The following FBXL7 variants were observed in gnomAD, a reference collection of about 807,000 sequenced individuals.
FBXL7 encodes the protein F-box and leucine rich repeat protein 7, also known as F-box/LRR-repeat protein 7.
FBXL7 carries 12 observed loss-of-function variants against 38.3 expected under a neutral mutation model. The ratio of observed to expected loss-of-function variants is 0.31; its 90% confidence interval spans 0.20 to 0.51. FBXL7 has a LOEUF of 0.51. FBXL7 is among the 20% of genes least tolerant of loss of function. FBXL7 has a pLI of 0.98. For synonymous variants in FBXL7, 297 were observed against 300.9 expected, an observed-to-expected ratio of 0.99 and a Z score of 0.13; for missense variants, 567 against 676.4, an observed-to-expected ratio of 0.84 and a Z score of 1.79.
At chr5:15,546,224 G>A (rs1737887372) in intron 1 of FBXL7, among the ~76,000 whole-genome samples, 2 of 151,832 alleles carry the variant, frequency 1.3e-5, no homozygotes, top group African/African-American at 4.8e-5. Context: ...GAGGTCAGGA[G>A]TTTGAGACCA....
At chr5:15,605,333 A>G (rs1310528969) in intron 1 of FBXL7, among the ~76,000 whole-genome samples, 3 of 152,192 alleles carry the variant, frequency 2.0e-5, no homozygotes, top group Non-Finnish European at 2.9e-5. Context: ...AAGCACCCCA[A>G]GTGTTCATCA....
intron 2 of FBXL7, among the ~76,000 whole-genome samples, chr5:15,679,945 A>G (rs559299480): frequency 6.6e-6 from 1 of 152,312 alleles, no homozygotes; most frequent in South Asian, 2.1e-4. Flanking sequence ...GTTTATTTCC[A>G]TTTCATAAAC....
chr5:15,514,477 G>A (rs1344402651), intron 1 of FBXL7, among the ~76,000 whole-genome samples: 1 of 152,176 alleles, frequency 6.6e-6, no homozygotes, highest in Non-Finnish European at 1.5e-5. Context: ...AATTATGGAT[G>A]TTATAATGGT....
At chr5:15,696,285 C>T (rs117596263) in intron 2 of FBXL7, among the ~76,000 whole-genome samples, 5,366 of 152,202 alleles carry the variant, frequency 0.035, 129 homozygotes, top group East Asian at 0.083. Flanking sequence ...AAATGTAAAA[C>T]AACATTGTCG....
At position 15,726,067 on chromosome 5, in the gene FBXL7, TTTATAA is replaced by T. The variant is rs1244192815; in HGVS notation, c.127+110000_127+110005del. On this transcript the variant is annotated intron_variant, in intron 2 of 3. Transcript: ENST00000504595. ...TGGTCTGATATTAGATGTATGAAAG[TTTATAA>T]TTATTATGTCTTCTTGTCTTGCTAA... Among the ~76,000 whole-genome samples, 12 of 152,298 alleles carry T rather than the reference TTTATAA, an allele frequency of 7.9e-5. No individual in the cohort carries two copies. The East Asian group carries it at 2.1e-3, about 27-fold the overall frequency.
chr5:15,559,001 C>G (rs527859552), intron 1 of FBXL7, among the ~76,000 whole-genome samples: 2 of 152,232 alleles, frequency 1.3e-5, no homozygotes, highest in Admixed American at 6.5e-5. Context: ...AGTAATGTAC[C>G]AAAGACGGTG....
rs551713357 is a variant in FBXL7, at chr5:15,705,938, A to G, written c.127+89866A>G. On this transcript the variant is annotated intron_variant, in intron 2 of 3. Transcript: ENST00000504595. ...TTGAAATAAAGAATAATAGTATTATACTAGAAAGGGTGAATTCTAAGGATA... is the reference window on the plus strand; with the variant it reads ...TTGAAATAAAGAATAATAGTATTATGCTAGAAAGGGTGAATTCTAAGGATA... Among the ~76,000 whole-genome samples, 21 of 152,342 alleles carry G rather than the reference A, an allele frequency of 1.4e-4. No individual in the cohort carries two copies. The South Asian group carries it at 4.3e-3, about 32-fold the overall frequency.
intron 1 of FBXL7, among the ~76,000 whole-genome samples, chr5:15,524,128 C>T (rs1737183930): frequency 6.6e-6 from 1 of 152,106 alleles, no homozygotes; most frequent in Non-Finnish European, 1.5e-5. Context: ...AAATTTTATG[C>T]ACTTTTTTTT....
intron 1 of FBXL7, among the ~76,000 whole-genome samples, chr5:15,594,741 AC>A: frequency 6.6e-6 from 1 of 152,374 alleles, no homozygotes; most frequent in East Asian, 1.9e-4. Context: ...TATAACCTGT[AC>A]CAGTGACATA....
chr5:15,893,764 T>C (rs1378906608), intron 2 of FBXL7, among the ~76,000 whole-genome samples: 1 of 152,204 alleles, frequency 6.6e-6, no homozygotes, highest in African/African-American at 2.4e-5. Flanking sequence ...TATTAGAACT[T>C]ATATTTGAAG....
In FBXL7 at chr5:15,595,263, G is replaced by T. The variant is rs1739595511; in HGVS notation, c.38-20720G>T. On this transcript the variant is annotated intron_variant, in intron 1 of 3. Transcript: ENST00000504595. ...TGGTACAACATTCCAAGTGGGGAAG[G>T]GATCTCAGAGACCCAGAAAGGCTGC... Among the ~76,000 whole-genome samples the T allele has an allele frequency of 2.0e-5, 3 of 152,194 alleles. No homozygotes were observed. The South Asian group carries it at 6.2e-4, about 31-fold the overall frequency.
intron 2 of FBXL7, among the ~76,000 whole-genome samples, chr5:15,877,946 G>A (rs1404065524): frequency 1.3e-5 from 2 of 151,968 alleles, no homozygotes; most frequent in Admixed American, 6.6e-5. Flanking sequence ...ACAGTTTCTC[G>A]CATGACCTTC....
chr5:15,594,409 G>A (rs150987653), intron 1 of FBXL7, among the ~76,000 whole-genome samples: 1 of 152,328 alleles, frequency 6.6e-6, no homozygotes, highest in African/African-American at 2.4e-5. Flanking sequence ...TTGAAATGGT[G>A]TTTCCATTTC....
chr5:15,930,908 G>T (rs1004298090), intron 3 of FBXL7, among the ~76,000 whole-genome samples: 1 of 152,194 alleles, frequency 6.6e-6, no homozygotes, highest in African/African-American at 2.4e-5. Context: ...AGGCCAGAGG[G>T]CTGCCACAGT....
chr5:15,872,212 T>C lies in FBXL7; in HGVS notation c.128-55678T>C, dbSNP rs1477373015. Among the ~76,000 whole-genome samples the C allele has an allele frequency of 2.6e-5, 4 of 152,154 alleles. 1 individual carries two copies. In the South Asian group the frequency reaches 8.3e-4, roughly 32 times the overall value. ...CATAAGCAAAGGAGAAATAAAATCC[T>C]TTCCAGACAAGGAAATACTGAGGGA... is the stretch of plus-strand genomic sequence containing the variant. On this transcript the variant is annotated intron_variant, in intron 2 of 3. Coordinates refer to ENST00000504595, the MANE Select transcript of FBXL7 (RefSeq NM_012304.5).
intron 2 of FBXL7, among the ~76,000 whole-genome samples, chr5:15,901,586 A>G (rs1445219775): frequency 1.3e-5 from 2 of 152,208 alleles, no homozygotes; most frequent in East Asian, 1.9e-4. Flanking sequence ...CTTCCCTACA[A>G]GATTCTAAGT....
At chr5:15,669,157 G>A (rs1027869433) in intron 2 of FBXL7, among the ~76,000 whole-genome samples, 2 of 152,084 alleles carry the variant, frequency 1.3e-5, no homozygotes, top group South Asian at 2.1e-4. Context: ...TGAGCAGATG[G>A]TAACTAATTG....
intron 2 of FBXL7, among the ~76,000 whole-genome samples, chr5:15,915,683 A>G (rs1301754039): frequency 6.6e-6 from 1 of 152,178 alleles, no homozygotes; most frequent in Admixed American, 6.5e-5. Context: ...CCCGTAACAG[A>G]AGGAATGAGC....
chr5:15,936,415 G>A lies in FBXL7; in HGVS notation c.740-35G>A, dbSNP rs374393167. The A allele has an allele frequency of 6.3e-7, 1 of 1,590,068 alleles. No individual in the cohort carries two copies. The highest frequency in any genetic ancestry group is 2.2e-5 in the East Asian group (1 of 44,560). ...CCAGGCGTGGCTCCCCTGCTGGCAGGTTGCTCTGAGCCTGTGTTCTGTCTC... is the reference window on the plus strand; with the variant it reads ...CCAGGCGTGGCTCCCCTGCTGGCAGATTGCTCTGAGCCTGTGTTCTGTCTC... On this transcript the variant is annotated intron_variant, in intron 3 of 3. Coordinates refer to ENST00000504595, the MANE Select transcript of FBXL7 (RefSeq NM_012304.5). The surrounding 1 kb of genome is among the most constrained non-coding windows in gnomAD (Gnocchi z 6.0).
Sources: gnomAD v4.1 joint callset for allele counts (sites outside exome capture counted in the v4.1 genomes callset) on GRCh38, gnomAD v4.1.1 for gene constraint, Gnocchi (gnomAD v3.1) non-coding constraint, MANE v1.5 for transcripts, NCBI Gene and HGNC (gene_info 2026-07-23, HGNC 2026-07-21) for gene names.